BTBD9: variants seen among roughly 807,000 people sequenced by gnomAD.
BTBD9 encodes the protein BTB/POZ domain-containing protein 9.
A neutral mutation model predicts 64.3 loss-of-function variants in BTBD9; 49 were observed. That is an observed-to-expected ratio of 0.76 (90% CI 0.61 to 0.97). The LOEUF (loss-of-function observed/expected upper bound fraction) is 0.97. BTBD9 is among the 50% of genes least tolerant of loss of function. The pLI is 0.00. For synonymous variants in BTBD9, 260 were observed against 274.7 expected, an observed-to-expected ratio of 0.95 and a Z score of 0.53; for missense variants, 598 against 762.1, an observed-to-expected ratio of 0.78 and a Z score of 2.53.
intron 6 of BTBD9, among the ~76,000 whole-genome samples, chr6:38,399,452 T>C (rs931927259): frequency 6.6e-6 from 1 of 152,200 alleles, no homozygotes. Flanking sequence ...ACTTAAACTT[T>C]GTGTCAATAA....
intron 8 of BTBD9, among the ~76,000 whole-genome samples, chr6:38,266,505 G>C (rs1258201779): frequency 6.6e-6 from 1 of 151,926 alleles, no homozygotes; most frequent in East Asian, 1.9e-4. Context: ...CCCGAGAGAA[G>C]GGGGTTGCAG....
chr6:38,464,979 G>A (rs532861741), intron 6 of BTBD9, among the ~76,000 whole-genome samples: 2 of 152,298 alleles, frequency 1.3e-5, no homozygotes, highest in East Asian at 3.9e-4. Context: ...TGAGCCTGGT[G>A]TTTCTCTGTG....
chr6:38,425,306 A>G (rs1382638437), intron 6 of BTBD9, among the ~76,000 whole-genome samples: 1 of 151,328 alleles, frequency 6.6e-6, no homozygotes, highest in African/African-American at 2.4e-5. Flanking sequence ...GGGTTTCACT[A>G]TTTTGGCCAG....
intron 4 of BTBD9, among the ~76,000 whole-genome samples, chr6:38,590,715 T>C (rs12206218): frequency 0.18 from 27,653 of 152,174 alleles, 3,208 homozygotes; most frequent in Non-Finnish European, 0.27. Context: ...ACATACCTAG[T>C]GTTCAAATTT....
At chr6:38,191,597 G>T (rs1271500492) in intron 10 of BTBD9, among the ~76,000 whole-genome samples, 13 of 152,354 alleles carry the variant, frequency 8.5e-5, no homozygotes, top group Admixed American at 7.8e-4. Context: ...TTGAGCTCAG[G>T]ACTCACACCA....
chr6:38,233,404 T>C (rs772252843), intron 9 of BTBD9, among the ~76,000 whole-genome samples: 2 of 152,202 alleles, frequency 1.3e-5, no homozygotes, highest in Non-Finnish European at 2.9e-5. Context: ...ATCAGAGCAG[T>C]TCTTTGCGGC....
intron 6 of BTBD9, among the ~76,000 whole-genome samples, chr6:38,425,139 G>C (rs1260832931): frequency 4.3e-5 from 6 of 139,276 alleles, no homozygotes; most frequent in Admixed American, 1.5e-4. Context: ...TTGAGTGAGA[G>C]TCTTGCTCTG....
chr6:38,228,220 G>A (rs1170912822), intron 9 of BTBD9, among the ~76,000 whole-genome samples: 1 of 151,666 alleles, frequency 6.6e-6, no homozygotes, highest in Non-Finnish European at 1.5e-5. Context: ...AACTTAGCTG[G>A]GCATGGTGGC....
chr6:38,359,914 A>C (rs141425642), intron 6 of BTBD9, among the ~76,000 whole-genome samples: 7 of 151,046 alleles, frequency 4.6e-5, no homozygotes, highest in Admixed American at 2.0e-4. Context: ...TTTTCATTGA[A>C]AGGCTAGCAA....
At chr6:38,237,732 G>A (rs549454055) in intron 9 of BTBD9, among the ~76,000 whole-genome samples, 76 of 152,232 alleles carry the variant, frequency 5.0e-4, no homozygotes, top group Non-Finnish European at 9.3e-4. Context: ...GAATCTTATG[G>A]TATTTCAAGT....
intron 1 of BTBD9, among the ~76,000 whole-genome samples, chr6:38,633,040 T>C (rs1180884558): frequency 6.6e-6 from 1 of 152,214 alleles, no homozygotes; most frequent in Non-Finnish European, 1.5e-5. Context: ...CACGTCTTCA[T>C]AGGAGAATCA....
Position 38,525,093 on chromosome 6 carries a change from T to C in BTBD9, c.1154+52507A>G, listed in dbSNP as rs145156737. ...GATGGCACGATCAGCACTGATATGGTTTGGCTGTGTCCCCACCCAAACCTC... is the reference window on the plus strand; with the variant it reads ...GATGGCACGATCAGCACTGATATGGCTTGGCTGTGTCCCCACCCAAACCTC... On this transcript the variant is annotated intron_variant, in intron 6 of 10. Coordinates refer to ENST00000481247, the MANE Select transcript of BTBD9 (RefSeq NM_001099272.2). Among the ~76,000 whole-genome samples, 3 of 152,210 alleles carry C rather than the reference T, an allele frequency of 2.0e-5. No homozygotes were observed. The East Asian group carries it at 5.8e-4, about 29-fold the overall frequency.
At chr6:38,251,240 TGTTAA>T (rs1041670438) in intron 9 of BTBD9, among the ~76,000 whole-genome samples, 6 of 151,716 alleles carry the variant, frequency 4.0e-5, no homozygotes, top group Admixed American at 2.0e-4. Context: ...TTAGTAAAGT[TGTTAA>T]GTTAATAAAA....
chr6:38,401,570 T>C (rs1766928753), intron 6 of BTBD9, among the ~76,000 whole-genome samples: 1 of 152,156 alleles, frequency 6.6e-6, no homozygotes, highest in East Asian at 1.9e-4. Context: ...TGTATAAAAG[T>C]GAAATGATCA....
chr6:38,276,721 G>GT (rs1332456675), intron 8 of BTBD9, among the ~76,000 whole-genome samples: 1 of 152,132 alleles, frequency 6.6e-6, no homozygotes, highest in African/African-American at 2.4e-5. Context: ...ACTGGAGGTA[G>GT]TATGACGGTC....
intron 6 of BTBD9, among the ~76,000 whole-genome samples, chr6:38,506,404 T>C (rs1294086232): frequency 6.6e-6 from 1 of 152,220 alleles, no homozygotes; most frequent in East Asian, 1.9e-4. Context: ...ATTTACTGAA[T>C]AAAGTAAACT....
At chr6:38,493,856 A>T (rs968650437) in intron 6 of BTBD9, among the ~76,000 whole-genome samples, 1 of 152,258 alleles carries the variant, frequency 6.6e-6, no homozygotes, top group African/African-American at 2.4e-5. Context: ...AGTCACATTA[A>T]TTAATGCTAA....
intron 2 of BTBD9, among the ~76,000 whole-genome samples, chr6:38,596,817 AGTGGG>A (rs1436435125): frequency 6.6e-6 from 1 of 151,444 alleles, no homozygotes. Context: ...AAAAAAAAAA[AGTGGG>A]CTCTTATAAA....
chr6:38,602,886 G>C (rs918674425), intron 1 of BTBD9, among the ~76,000 whole-genome samples: 4 of 152,028 alleles, frequency 2.6e-5, no homozygotes, highest in African/African-American at 4.8e-5. Flanking sequence ...CACTAAGACA[G>C]GTAAATCAGA....
Sources: gnomAD v4.1 joint callset for allele counts (sites outside exome capture counted in the v4.1 genomes callset) on GRCh38, gnomAD v4.1.1 for gene constraint, MANE v1.5 for transcripts, NCBI Gene and HGNC (gene_info 2026-07-23, HGNC 2026-07-21) for gene names.